Variants in CDH6 observed in about 807,000 individuals in gnomAD.
CDH6 encodes cadherin-6.
Under a neutral mutation model 78.0 loss-of-function variants are expected in CDH6, and 31 were observed. That is an observed-to-expected ratio of 0.40 (90% CI 0.30 to 0.54). CDH6 has a LOEUF of 0.54. Ranked by LOEUF, CDH6 falls within the 20% of genes least tolerant of loss-of-function variation. The probability of loss-of-function intolerance (pLI) is 0.56; values close to 1 mark genes in which losing one functional copy is unlikely to be tolerated. For missense variants in CDH6, 724 were observed against 975.9 expected, an observed-to-expected ratio of 0.74 and a Z score of 3.44; for synonymous variants, 376 against 368.8, an observed-to-expected ratio of 1.02 and a Z score of -0.23.
chr5:31,302,916 A>AAAGT, intron 6 of CDH6, among the ~76,000 whole-genome samples: 1 of 116,924 alleles, frequency 8.6e-6, no homozygotes, highest in East Asian at 2.9e-4. Context: ...AGAAAGAAAG[A>AAAGT]AAGAAAGAAA....
chr5:31,227,052 G>A lies in CDH6; in HGVS notation c.-129+33166G>A, dbSNP rs116765604. On this transcript the variant is annotated intron_variant, in intron 1 of 11. Transcript: ENST00000265071. ...TCAGCTTCTCCTAGCACCACACATC[G>A]GGTTACAGCAGACACACTCCTCTTA... Among the ~76,000 whole-genome samples, 1,054 of 152,146 alleles carry A rather than the reference G, an allele frequency of 6.9e-3. 16 individuals are homozygous for A. The highest frequency in any genetic ancestry group is 0.024 in the African/African-American group (983 of 41,506).
At chr5:31,275,354 C>T (rs1742660242) in intron 2 of CDH6, among the ~76,000 whole-genome samples, 1 of 152,102 alleles carries the variant, frequency 6.6e-6, no homozygotes, top group South Asian at 2.1e-4. Context: ...TCCCTCCCAC[C>T]TCCCTCCCCA....
rs941387339 is a variant in CDH6 at position 31,327,042 on chromosome 5, A to G, written c.*3734A>G. 13 of 177,822 alleles carry G rather than the reference A, an allele frequency of 7.3e-5. No individual in the cohort carries two copies. Among genetic ancestry groups the G allele is most frequent in the African/African-American group, 3.1e-4 (13 of 42,304 alleles). 11.0% of individuals were successfully genotyped at this position (177,822 alleles called of 1,614,324 possible). ...GGCCATCCAAATTTTATAAATCCAA[A>G]TTAACTTTAGAATGTTTCTATTACT... On this transcript the variant is annotated 3_prime_UTR_variant, in exon 12 of 12. Transcript: ENST00000265071.
Position 31,305,374 on chromosome 5 carries a change from C to T in CDH6, c.1200C>T (p.Thr400=). The change falls in exon 7 of 12, where the codon ACC becomes ACT. Residue 400 remains threonine (T), a synonymous_variant. Transcript: ENST00000265071. ...LQIREDAQIN[T]TIGSVTAQDP... ...TAAGAGAAGATGCTCAGATAAACAC[C>T]ACAATAGGCTCCGTCACAGCCCAAG... The T allele has an allele frequency of 6.2e-7, 1 of 1,614,072 alleles. No homozygotes were observed. Among genetic ancestry groups the T allele is most frequent in the Non-Finnish European group, 8.5e-7 (1 of 1,179,976 alleles).
chr5:31,213,037 A>T (rs1740759192), intron 1 of CDH6, among the ~76,000 whole-genome samples: 1 of 152,230 alleles, frequency 6.6e-6, no homozygotes, highest in Non-Finnish European at 1.5e-5. Flanking sequence ...GATGATAAGC[A>T]TAATTACTTT....
intron 2 of CDH6, among the ~76,000 whole-genome samples, chr5:31,269,892 A>T (rs574928482): frequency 6.6e-6 from 1 of 152,308 alleles, no homozygotes; most frequent in Non-Finnish European, 1.5e-5. Context: ...CTGGAAAAAA[A>T]AATCAAGGGC....
chr5:31,310,607 C>T (rs1738120859), intron 7 of CDH6, among the ~76,000 whole-genome samples: 1 of 152,242 alleles, frequency 6.6e-6, no homozygotes, highest in Non-Finnish European at 1.5e-5. Context: ...GTCTCCACCA[C>T]TGCAGCAGAT....
rs1366089767 is a variant in CDH6, at chr5:31,326,715, A to G, written c.*3407A>G. On this transcript the variant is annotated 3_prime_UTR_variant, in exon 12 of 12. Coordinates refer to ENST00000265071, the MANE Select transcript of CDH6 (RefSeq NM_004932.4). ...TTTTTTTTTTTTTTTTTTTTGAGACAGAATCTCGCTCTGTCGCCCAGGCTG... is the reference window on the plus strand; with the variant it reads ...TTTTTTTTTTTTTTTTTTTTGAGACGGAATCTCGCTCTGTCGCCCAGGCTG... 1 of 135,752 alleles carries G rather than the reference A, an allele frequency of 7.4e-6. No individual in the cohort carries two copies. The highest frequency in any genetic ancestry group is 1.4e-5 in the Non-Finnish European group (1 of 69,114). 8.4% of individuals were successfully genotyped at this position (135,752 alleles called of 1,614,324 possible). A position where few individuals can be genotyped will look rare whatever the true frequency, so the allele number is the denominator to read the frequency against.
Position 31,302,195 on chromosome 5 carries a change from A to G in CDH6, c.896A>G (p.Glu299Gly). The change falls in exon 6 of 12, where the codon GAA becomes GGA. Residue 299 changes from glutamate to glycine, a missense_variant. By Grantham distance (98) the Glu-to-Gly change is moderately conservative. This residue lies in a region of CDH6 where 446 missense variants were observed against 684.5 expected (regional missense o/e 0.65). Coordinates refer to ENST00000265071, the MANE Select transcript of CDH6 (RefSeq NM_004932.4). Reference protein sequence around the residue: ...RIKASDADVGENAEIEYSITD... With the variant: ...RIKASDADVGGNAEIEYSITD... Reference sequence around the variant, plus strand: ...AAAGCCAGCGACGCTGATGTGGGAGAAAATGCTGAAATTGAGTACAGCATC... The same window carrying G: ...AAAGCCAGCGACGCTGATGTGGGAGGAAATGCTGAAATTGAGTACAGCATC... 1.9e-6 allele frequency: 3 copies of G among 1,614,014 alleles called. No homozygotes were observed. Among genetic ancestry groups the G allele is most frequent in the Non-Finnish European group, 8.5e-7 (1 of 1,179,886 alleles).
At chr5:31,276,516 G>T (rs74822975) in intron 2 of CDH6, among the ~76,000 whole-genome samples, 2 of 152,048 alleles carry the variant, frequency 1.3e-5, no homozygotes, top group Admixed American at 1.3e-4. Context: ...CAGTGATAAG[G>T]GCATAATAAA....
chr5:31,303,331 A>C (rs974722775), intron 6 of CDH6, among the ~76,000 whole-genome samples: 4 of 152,232 alleles, frequency 2.6e-5, no homozygotes, highest in Non-Finnish European at 5.9e-5. Flanking sequence ...CATACTGTGA[A>C]GGAAGAGAGT....
At chr5:31,274,488 T>C (rs1742632406) in intron 2 of CDH6, among the ~76,000 whole-genome samples, 1 of 152,218 alleles carries the variant, frequency 6.6e-6, no homozygotes, top group African/African-American at 2.4e-5. Flanking sequence ...GCCTGTGGAA[T>C]CCTAGAGCCT....
At chr5:31,290,074 T>C (rs1420925359) in intron 2 of CDH6, among the ~76,000 whole-genome samples, 1 of 151,974 alleles carries the variant, frequency 6.6e-6, no homozygotes, top group Non-Finnish European at 1.5e-5. Context: ...CTGGCCAACA[T>C]GGTAAAACTC....
chr5:31,302,856 A>AAGAAAG (rs1737836157), intron 6 of CDH6, among the ~76,000 whole-genome samples: 2 of 146,810 alleles, frequency 1.4e-5, no homozygotes, highest in Admixed American at 6.8e-5. Flanking sequence ...AAGAAAGAGA[A>AAGAAAG]AGAAAGGAAG....
At chr5:31,284,845 CCAAATTCCTCACTGGCAAAGGCCAT>C (rs550706259) in intron 2 of CDH6, among the ~76,000 whole-genome samples, 289 of 152,324 alleles carry the variant, frequency 1.9e-3, no homozygotes, top group Non-Finnish European at 3.6e-3. Context: ...CCAAAAGCCC[CCAAATTCCTCACTGGCAAAGGCCAT>C]GTGGCTTCCT....
At chr5:31,218,813 G>A (rs1740933634) in intron 1 of CDH6, among the ~76,000 whole-genome samples, 1 of 152,168 alleles carries the variant, frequency 6.6e-6, no homozygotes, top group Admixed American at 6.6e-5. Flanking sequence ...GTCAGAGCAT[G>A]TTACTCCTGC....
chr5:31,215,232 C>T (rs1025986667), intron 1 of CDH6, among the ~76,000 whole-genome samples: 1 of 152,100 alleles, frequency 6.6e-6, no homozygotes, highest in Admixed American at 6.6e-5. Flanking sequence ...GGTATGAATA[C>T]TATTCAACCT....
intron 1 of CDH6, among the ~76,000 whole-genome samples, chr5:31,241,346 C>T (rs543281102): frequency 1.3e-5 from 2 of 152,338 alleles, no homozygotes; most frequent in East Asian, 3.9e-4. Context: ...GTGTTTGCAT[C>T]TCCTTGTAGT....
At chr5:31,244,724 G>A (rs1265642727) in intron 1 of CDH6, among the ~76,000 whole-genome samples, 1 of 152,176 alleles carries the variant, frequency 6.6e-6, no homozygotes, top group Admixed American at 6.5e-5. Context: ...CTGCCTCGAG[G>A]AACAAGGTGG....
Sources: gnomAD v4.1 joint callset for allele counts (sites outside exome capture counted in the v4.1 genomes callset) on GRCh38, gnomAD v4.1.1 for gene constraint, gnomAD v4.1.1 regional missense constraint, MANE v1.5 for transcripts, NCBI Gene and HGNC (gene_info 2026-07-23, HGNC 2026-07-21) for gene names.